The following NR2C2 variants were observed in gnomAD, a reference collection of about 807,000 sequenced individuals.
NR2C2 encodes nuclear receptor subfamily 2 group C member 2.
A neutral mutation model predicts 62.9 loss-of-function variants in NR2C2; 6 were observed. The observed-to-expected ratio is 0.10, with a 90% confidence interval of 0.05 to 0.19. NR2C2 has a LOEUF of 0.19. Ranked by LOEUF, NR2C2 falls within the 10% of genes least tolerant of loss-of-function variation. The pLI, the probability that NR2C2 is intolerant of heterozygous loss-of-function variation, is 1.00. For synonymous variants in NR2C2, 272 were observed against 273.8 expected (o/e 0.99, Z 0.07); for missense variants, 479 against 762.7 (o/e 0.63, Z 4.38).
rs753088047 is a variant in NR2C2, at chr3:15,013,562, G to C, written c.73-27G>C. ...GCATGGGTCTTGTGACACTCCATGA[G>C]AGCAGCCTCCATGTTGTGTCTTATA... On this transcript the variant is annotated intron_variant, in intron 2 of 13. Transcript: ENST00000425241. 1.4e-5 allele frequency: 22 copies of C among 1,606,310 alleles called. No homozygotes were observed. In the Admixed American group the frequency reaches 3.0e-4, roughly 22 times the overall value.
chr3:14,994,842 G>A (rs1045047934), intron 1 of NR2C2, among the ~76,000 whole-genome samples: 1 of 150,628 alleles, frequency 6.6e-6, no homozygotes, highest in Admixed American at 6.6e-5. Flanking sequence ...TTGAGCCCAG[G>A]AGTTCCAGGC....
intron 1 of NR2C2, among the ~76,000 whole-genome samples, chr3:14,974,056 G>A (rs1363092361): frequency 2.0e-5 from 3 of 152,096 alleles, no homozygotes; most frequent in African/African-American, 7.2e-5. Context: ...TTTTCATCTT[G>A]CTAAAACTGA....
At chr3:14,955,031 A>G (rs1009280212) in intron 1 of NR2C2, among the ~76,000 whole-genome samples, 1 of 152,104 alleles carries the variant, frequency 6.6e-6, no homozygotes, top group Admixed American at 6.5e-5. Context: ...GGTTTTCACC[A>G]TGTTGCCCAG....
chr3:15,018,507 C>T (rs974189915), intron 4 of NR2C2, among the ~76,000 whole-genome samples: 1 of 152,182 alleles, frequency 6.6e-6, no homozygotes, highest in Non-Finnish European at 1.5e-5. Context: ...TGAAAAAATG[C>T]TCAACATCAC....
chr3:14,978,774 A>G (rs2040279573), intron 1 of NR2C2, among the ~76,000 whole-genome samples: 1 of 152,188 alleles, frequency 6.6e-6, no homozygotes, highest in African/African-American at 2.4e-5. Flanking sequence ...CCTCCTTCAT[A>G]TGAAGATGTG....
At chr3:14,977,115 T>G (rs190192464) in intron 1 of NR2C2, among the ~76,000 whole-genome samples, 19 of 152,322 alleles carry the variant, frequency 1.2e-4, no homozygotes, top group Non-Finnish European at 2.4e-4. Context: ...AGTTGGATTT[T>G]GGGTCTCTTG....
chr3:14,968,101 C>G (rs1449844938), intron 1 of NR2C2, among the ~76,000 whole-genome samples: 1 of 152,178 alleles, frequency 6.6e-6, no homozygotes, highest in African/African-American at 2.4e-5. Flanking sequence ...GTCTAAAACT[C>G]CAAAAGCAAT....
At position 15,048,760 on chromosome 3, in the gene NR2C2, T is replaced by C. The variant is rs1008073172; in HGVS notation, c.*5752T>C. On this transcript the variant is annotated 3_prime_UTR_variant, in exon 14 of 14. Coordinates refer to ENST00000425241, the MANE Select transcript of NR2C2 (RefSeq NM_001291694.2). ...TTGTAAACCAGTGTTCAACTAGTTT[T>C]ATAACTGAAAAGCTGCACATTTTTC... is the stretch of plus-strand genomic sequence containing the variant. The C allele has an allele frequency of 2.0e-5, 3 of 152,654 alleles. No individual in the cohort carries two copies. The highest frequency in any genetic ancestry group is 2.9e-5 in the Non-Finnish European group (2 of 68,046). The allele number at this position is 152,654 out of a possible 1,614,324, so 9.5% of individuals were successfully genotyped here. A position where few individuals can be genotyped will look rare whatever the true frequency, so the allele number is the denominator to read the frequency against.
chr3:15,031,276 C>T (rs2041972606), intron 9 of NR2C2, among the ~76,000 whole-genome samples: 1 of 152,196 alleles, frequency 6.6e-6, no homozygotes, highest in African/African-American at 2.4e-5. Flanking sequence ...CTGTCATTCA[C>T]TGGTCTCACT....
At chr3:14,973,777 T>TC (rs997654196) in intron 1 of NR2C2, among the ~76,000 whole-genome samples, 3 of 152,180 alleles carry the variant, frequency 2.0e-5, no homozygotes, top group Non-Finnish European at 4.4e-5. Flanking sequence ...CCTTTTTTTT[T>TC]CCTCTAATAT....
At chr3:14,969,299 G>A (rs2039967048) in intron 1 of NR2C2, among the ~76,000 whole-genome samples, 1 of 143,464 alleles carries the variant, frequency 7.0e-6, no homozygotes, top group Admixed American at 7.1e-5. Context: ...AGGCTGGAGT[G>A]CAGTGGTGTG....
intron 11 of NR2C2, among the ~76,000 whole-genome samples, chr3:15,035,686 G>A (rs2042085070): frequency 6.6e-6 from 1 of 152,162 alleles, no homozygotes; most frequent in Non-Finnish European, 1.5e-5. Flanking sequence ...TGGAGGTCAG[G>A]ACAGTCCAGC....
At chr3:14,981,096 C>T (rs1038822778) in intron 1 of NR2C2, among the ~76,000 whole-genome samples, 4 of 152,190 alleles carry the variant, frequency 2.6e-5, no homozygotes, top group Non-Finnish European at 4.4e-5. Flanking sequence ...ACAGATCATA[C>T]CATAGTAACA....
At chr3:14,981,351 C>A (rs1284580228) in intron 1 of NR2C2, among the ~76,000 whole-genome samples, 4 of 152,040 alleles carry the variant, frequency 2.6e-5, no homozygotes, top group African/African-American at 9.7e-5. Flanking sequence ...CGCCTGTAAT[C>A]CCAGCACTTT....
intron 2 of NR2C2, chr3:15,004,636 CA>C: frequency 6.2e-7 from 1 of 1,608,364 alleles, no homozygotes. Flanking sequence ...AGCTTGAAGG[CA>C]AAAAGCTGGG....
chr3:14,951,575 G>A (rs1467347220), intron 1 of NR2C2, among the ~76,000 whole-genome samples: 1 of 152,016 alleles, frequency 6.6e-6, no homozygotes, highest in Non-Finnish European at 1.5e-5. Context: ...GGTAACCAAA[G>A]AACTGCTAGT....
At chr3:15,030,530 A>T (rs2041954567) in intron 9 of NR2C2, 78 bp downstream of exon 9, 3 of 1,427,262 alleles carry the variant, frequency 2.1e-6, no homozygotes, top group African/African-American at 2.9e-5. Flanking sequence ...CTGCAGTTTT[A>T]AAAATCAAAC....
chr3:14,966,416 C>T (rs555212587), intron 1 of NR2C2, among the ~76,000 whole-genome samples: 5 of 152,320 alleles, frequency 3.3e-5, no homozygotes, highest in South Asian at 2.1e-4. Context: ...ATCCTCGTCT[C>T]TATTATAAAC....
chr3:15,021,370 C>T (rs1198540197), intron 5 of NR2C2, among the ~76,000 whole-genome samples: 2 of 152,164 alleles, frequency 1.3e-5, no homozygotes, highest in African/African-American at 4.8e-5. Flanking sequence ...CTTCTTAGCC[C>T]CTCTACTTTC....
Sources: gnomAD v4.1 joint callset for allele counts (sites outside exome capture counted in the v4.1 genomes callset) on GRCh38, gnomAD v4.1.1 for gene constraint, MANE v1.5 for transcripts, NCBI Gene and HGNC (gene_info 2026-07-23, HGNC 2026-07-21) for gene names.